The following GAS2 variants were observed in gnomAD, a reference collection of about 807,000 sequenced individuals.
The protein encoded by GAS2 is growth arrest-specific protein 2.
In GAS2, 20 loss-of-function variants were observed where a neutral mutation model predicts 37.5. That is an observed-to-expected ratio of 0.53 (90% confidence interval 0.37 to 0.77). The LOEUF (loss-of-function observed/expected upper bound fraction) is 0.77. Among genes scored for constraint, GAS2 ranks in the 30% least tolerant of loss-of-function variants. The pLI, the probability that GAS2 is intolerant of heterozygous loss-of-function variation, is 0.00. For synonymous variants in GAS2, 144 were observed against 132.2 expected, an observed-to-expected ratio of 1.09 and a Z score of -0.61; for missense variants, 336 against 373.4, an observed-to-expected ratio of 0.90 and a Z score of 0.82.
Position 22,673,732 on chromosome 11 carries a change from C to T in GAS2, c.-20-1118C>T, listed in dbSNP as rs192064345. On this transcript the variant is annotated intron_variant, in intron 1 of 7. Coordinates refer to ENST00000454584, the MANE Select transcript of GAS2 (RefSeq NM_001143830.3). ...GACCAGCCTGGCCAACATGGCGAAA[C>T]CCCATCTCTACTAAAAAATACAAAA... Among the ~76,000 whole-genome samples, 75 of 152,264 alleles carry T rather than the reference C, an allele frequency of 4.9e-4. 1 individual carries two copies. Among genetic ancestry groups the T allele is most frequent in the African/African-American group, 1.8e-3 (75 of 41,562 alleles).
chr11:22,782,128 C>A (rs1189750118), intron 7 of GAS2, among the ~76,000 whole-genome samples: 1 of 152,066 alleles, frequency 6.6e-6, no homozygotes, highest in African/African-American at 2.4e-5. Context: ...TAAGATGGAA[C>A]CCTGGTACTG....
intron 3 of GAS2, among the ~76,000 whole-genome samples, chr11:22,720,304 C>T (rs1851885673): frequency 6.6e-6 from 1 of 151,904 alleles, no homozygotes; most frequent in Non-Finnish European, 1.5e-5. Context: ...TGGATTCAAG[C>T]TTAGTGTGTT....
chr11:22,691,096 G>A (rs12290727), intron 3 of GAS2, among the ~76,000 whole-genome samples: 1 of 151,812 alleles, frequency 6.6e-6, no homozygotes. Context: ...GTTAGATCAA[G>A]TTTGAAGCAG....
chr11:22,634,612 G>T lies in GAS2; in HGVS notation c.-21+8799G>T, dbSNP rs554009049. ...TATTCCCACTTCCCCTAGGAGGAGG[G>T]ATCCCTGAGGGCCAAACTACTGTGA... On this transcript the variant is annotated intron_variant, in intron 1 of 5. Transcript: ENST00000528582. 3.9e-5 allele frequency among the ~76,000 whole-genome samples: 6 copies of T among 152,232 alleles called. No homozygotes were observed. The East Asian group carries it at 1.2e-3, about 29-fold the overall frequency.
chr11:22,756,986 C>T (rs2134339229), intron 7 of GAS2, among the ~76,000 whole-genome samples: 1 of 152,204 alleles, frequency 6.6e-6, no homozygotes, highest in African/African-American at 2.4e-5. Context: ...GATCTAGAAT[C>T]TCCACAGATG....
chr11:22,733,163 G>A (rs558810443), intron 4 of GAS2, among the ~76,000 whole-genome samples: 31 of 151,500 alleles, frequency 2.0e-4, no homozygotes, highest in Non-Finnish European at 2.8e-4. Flanking sequence ...TCATAAAGGA[G>A]TGCAAGTAGA....
At chr11:22,797,439 GC>G (rs889720601) in intron 7 of GAS2, among the ~76,000 whole-genome samples, 2 of 152,008 alleles carry the variant, frequency 1.3e-5, no homozygotes, top group Non-Finnish European at 1.5e-5. Flanking sequence ...CTGACCCAAG[GC>G]CCTGTCCATG....
At chr11:22,637,836 G>A (rs1438970924) in intron 1 of GAS2, among the ~76,000 whole-genome samples, 2 of 148,028 alleles carry the variant, frequency 1.4e-5, no homozygotes, top group African/African-American at 5.0e-5. Context: ...TATATTTGAA[G>A]CCCAAAGCTG....
chr11:22,716,566 G>A (rs757286818), intron 3 of GAS2, among the ~76,000 whole-genome samples: 7 of 151,778 alleles, frequency 4.6e-5, no homozygotes, highest in Non-Finnish European at 8.8e-5. Flanking sequence ...CTTGAACCTG[G>A]GAGGAGGAGG....
At chr11:22,630,293 T>C (rs558732911) in intron 1 of GAS2, among the ~76,000 whole-genome samples, 47 of 152,172 alleles carry the variant, frequency 3.1e-4, no homozygotes, top group Non-Finnish European at 6.5e-4. Flanking sequence ...TGAGAACATG[T>C]GATGTTTGGT....
chr11:22,710,116 A>G (rs1193272065), intron 3 of GAS2, among the ~76,000 whole-genome samples: 1 of 152,114 alleles, frequency 6.6e-6, no homozygotes, highest in African/African-American at 2.4e-5. Context: ...TACATATGTA[A>G]CTAACATGCA....
At chr11:22,719,395 A>G (rs1392493879) in intron 3 of GAS2, among the ~76,000 whole-genome samples, 2 of 152,048 alleles carry the variant, frequency 1.3e-5, no homozygotes, top group Non-Finnish European at 2.9e-5. Context: ...GATTTCACCT[A>G]TTAGAGAAGC....
intron 3 of GAS2, among the ~76,000 whole-genome samples, chr11:22,700,878 C>T (rs1590664963): frequency 6.6e-6 from 1 of 152,098 alleles, no homozygotes; most frequent in South Asian, 2.1e-4. Context: ...ATGTTTTTGA[C>T]CTGAAACGAA....
At chr11:22,648,097 T>C (rs1360436574) in intron 1 of GAS2, among the ~76,000 whole-genome samples, 3 of 152,252 alleles carry the variant, frequency 2.0e-5, no homozygotes, top group African/African-American at 4.8e-5. Flanking sequence ...AATTGATTTT[T>C]GTATAAGGTG....
At chr11:22,666,025 C>T (rs147777476), upstream of GAS2, among the ~76,000 whole-genome samples, 1 of 152,244 alleles carries the variant, frequency 6.6e-6, no homozygotes. Context: ...GGGATCAGCA[C>T]ACTCAGCAAG....
intron 7 of GAS2, among the ~76,000 whole-genome samples, chr11:22,758,425 A>C (rs1230098890): frequency 6.6e-6 from 1 of 152,232 alleles, no homozygotes; most frequent in East Asian, 1.9e-4. Flanking sequence ...ATACAATGAC[A>C]CATACATTGT....
intron 3 of GAS2, among the ~76,000 whole-genome samples, chr11:22,724,177 T>C (rs950275910): frequency 6.6e-6 from 1 of 151,952 alleles, no homozygotes; most frequent in African/African-American, 2.4e-5. Flanking sequence ...TGTACACATG[T>C]ACATACATCA....
chr11:22,741,458 T>TAA (rs1025584671), intron 5 of GAS2, among the ~76,000 whole-genome samples: 1 of 148,280 alleles, frequency 6.7e-6, no homozygotes. Flanking sequence ...ATAATAGAAG[T>TAA]AAAAAAAAAA....
chr11:22,783,066 C>CA (rs1174240918), intron 7 of GAS2, among the ~76,000 whole-genome samples: 1 of 152,168 alleles, frequency 6.6e-6, no homozygotes, highest in Non-Finnish European at 1.5e-5. Context: ...ACCTCACCAA[C>CA]AGTGTGTAAA....
Sources: allele counts gnomAD v4.1 joint callset (sites outside exome capture counted in the v4.1 genomes callset), GRCh38; gene constraint gnomAD v4.1.1; transcripts MANE v1.5; gene names NCBI Gene and HGNC (gene_info 2026-07-23, HGNC 2026-07-21).